GNL3L: variants seen among roughly 807,000 people sequenced by gnomAD.
GNL3L encodes the protein guanine nucleotide-binding protein-like 3-like protein.
A neutral mutation model predicts 42.9 loss-of-function variants in GNL3L; 4 were observed. The observed-to-expected ratio is 0.09, with a 90% CI of 0.05 to 0.21. The LOEUF is 0.21. Ranked by LOEUF, GNL3L falls within the 10% of genes least tolerant of loss-of-function variation. The probability of loss-of-function intolerance (pLI) is 1.00; values close to 1 mark genes in which losing one functional copy is unlikely to be tolerated. For missense variants in GNL3L, 412 were observed against 481.7 expected (o/e 0.86, Z 1.36); for synonymous variants, 159 against 176.3 (o/e 0.90, Z 0.78).
chrX:54,564,125 G>T lies in GNL3L; in HGVS notation c.*3523G>T, dbSNP rs1458307825. Reference sequence around the variant, plus strand: ...TTTCTGCCCCTATAGTTTTGCTTTAGTATGACTGTCATATCAATAGAATCA... The same window carrying T: ...TTTCTGCCCCTATAGTTTTGCTTTATTATGACTGTCATATCAATAGAATCA... On this transcript the variant is annotated 3_prime_UTR_variant, in exon 16 of 16. Coordinates refer to ENST00000360845, the MANE Select transcript of GNL3L (RefSeq NM_001184819.2). Among the ~76,000 whole-genome samples the T allele has an allele frequency of 9.1e-6, 1 of 110,490 alleles. No homozygotes were observed. Among genetic ancestry groups the T allele is most frequent in the Non-Finnish European group, 1.9e-5 (1 of 52,948 alleles).
At chrX:54,587,121 T>C (rs1462277929) in intron 16 of GNL3L, among the ~76,000 whole-genome samples, 2 of 111,976 alleles carry the variant, frequency 1.8e-5, no homozygotes, top group African/African-American at 6.5e-5. Context: ...TCCTGGTACC[T>C]GAGCAAGCCA....
At chrX:54,568,411 C>T (rs1925493469), downstream of GNL3L, among the ~76,000 whole-genome samples, 1 of 111,474 alleles carries the variant, frequency 9.0e-6, no homozygotes, top group African/African-American at 3.3e-5. Context: ...TTCACTGGGC[C>T]AAAATTGGTG....
chrX:54,619,266 C>T (rs189467322), intron 16 of GNL3L, among the ~76,000 whole-genome samples: 5 of 110,216 alleles, frequency 4.5e-5, no homozygotes, highest in East Asian at 2.8e-4. Context: ...ATGGTATATA[C>T]AATATATACA....
downstream of GNL3L, among the ~76,000 whole-genome samples, chrX:54,572,169 T>C (rs1473906453): frequency 1.8e-5 from 2 of 108,675 alleles, no homozygotes; most frequent in Admixed American, 9.8e-5. Flanking sequence ...GCAGTGTTTG[T>C]GTCCCTGGGT....
intron 16 of GNL3L, among the ~76,000 whole-genome samples, chrX:54,592,602 G>C (rs1247049247): frequency 9.0e-6 from 1 of 111,223 alleles, no homozygotes; most frequent in Non-Finnish European, 1.9e-5. Context: ...GATCGCTTGA[G>C]CCCAGAAGTT....
At chrX:54,619,424 A>G (rs1926260853) in intron 16 of GNL3L, among the ~76,000 whole-genome samples, 1 of 111,378 alleles carries the variant, frequency 9.0e-6, no homozygotes, top group Non-Finnish European at 1.9e-5. Context: ...TTGTATATAT[A>G]TAAAAACTTT....
chrX:54,615,897 C>T (rs1193979592), intron 16 of GNL3L, among the ~76,000 whole-genome samples: 2 of 112,066 alleles, frequency 1.8e-5, no homozygotes, highest in Admixed American at 1.9e-4. Flanking sequence ...CCAGGAGAAG[C>T]CTGTGTCAAC....
At chrX:54,542,601 G>A (rs1017363315) in intron 5 of GNL3L, among the ~76,000 whole-genome samples, 10 of 111,311 alleles carry the variant, frequency 9.0e-5, no homozygotes, top group African/African-American at 3.3e-4. Context: ...ATAATCCTTT[G>A]GGTATATACC....
downstream of GNL3L, among the ~76,000 whole-genome samples, chrX:54,570,544 G>A (rs1925529645): frequency 9.0e-6 from 1 of 111,454 alleles, no homozygotes; most frequent in African/African-American, 3.3e-5. Context: ...TACATTTAAT[G>A]TTATTATCAG....
At chrX:54,624,854 G>A (rs1365684840), downstream of GNL3L, among the ~76,000 whole-genome samples, 1 of 111,048 alleles carries the variant, frequency 9.0e-6, no homozygotes, top group Non-Finnish European at 1.9e-5. Context: ...AAGAGCTTTG[G>A]CTTTGATATC....
intron 2 of GNL3L, among the ~76,000 whole-genome samples, chrX:54,538,304 CTCA>C (rs1163530029): frequency 9.0e-6 from 1 of 111,673 alleles, no homozygotes; most frequent in Non-Finnish European, 1.9e-5. Context: ...TCTCGAGCTG[CTCA>C]TATAATATAT....
chrX:54,637,371 T>A, the GNL3L span, among the ~76,000 whole-genome samples: 1 of 112,282 alleles, frequency 8.9e-6, no homozygotes, highest in Admixed American at 9.4e-5. Context: ...TTATTTACCC[T>A]TGTGTACCGC....
chrX:54,602,464 A>G (rs1926015052), intron 16 of GNL3L, among the ~76,000 whole-genome samples: 1 of 110,389 alleles, frequency 9.1e-6, no homozygotes, highest in African/African-American at 3.3e-5. Context: ...TGCTGGTATC[A>G]TGGAGGAGGT....
At chrX:54,631,516 A>G in the GNL3L span, among the ~76,000 whole-genome samples, 1 of 111,265 alleles carries the variant, frequency 9.0e-6, no homozygotes, top group Non-Finnish European at 1.9e-5. Flanking sequence ...TCATTATGTA[A>G]TGTCCCTCTT....
chrX:54,636,104 C>A, the GNL3L span, among the ~76,000 whole-genome samples: 1 of 112,115 alleles, frequency 8.9e-6, no homozygotes, highest in Non-Finnish European at 1.9e-5. Context: ...TTTGAGCTTG[C>A]CATTTTATAG....
chrX:54,547,562 G>A (rs1333019451), intron 8 of GNL3L, among the ~76,000 whole-genome samples: 1 of 110,647 alleles, frequency 9.0e-6, no homozygotes, highest in Non-Finnish European at 1.9e-5. Flanking sequence ...AAAGTTAGCC[G>A]GGTGTGGTGG....
intron 16 of GNL3L, among the ~76,000 whole-genome samples, chrX:54,598,144 T>A (rs1925958979): frequency 8.9e-6 from 1 of 111,858 alleles, no homozygotes. Context: ...CCCCTTACTA[T>A]AATTATTGCT....
At chrX:54,586,703 G>T (rs1448326832) in intron 16 of GNL3L, among the ~76,000 whole-genome samples, 1 of 112,146 alleles carries the variant, frequency 8.9e-6, no homozygotes, top group African/African-American at 3.2e-5. Context: ...AACGGCCTGG[G>T]CCTCATTTCA....
In GNL3L at chrX:54,551,063, C is replaced by G. The variant is rs1370078557; in HGVS notation, c.863+13C>G. The G allele has an allele frequency of 1.1e-6, 1 of 906,533 alleles. No homozygotes were observed. 74.7% of individuals were successfully genotyped at this position (906,533 alleles called of 1,213,427 possible). ...CTGGAATTACCAAGTAAGCACCTGC[C>G]TGCTCCTCCACTCCACAATTCCTTG... On this transcript the variant is annotated intron_variant, in intron 10 of 15. Transcript: ENST00000360845.
Sources: gnomAD v4.1 joint callset for allele counts (sites outside exome capture counted in the v4.1 genomes callset) on GRCh38, gnomAD v4.1.1 for gene constraint, MANE v1.5 for transcripts, NCBI Gene and HGNC (gene_info 2026-07-23, HGNC 2026-07-21) for gene names.